The following PIK3R1 variants were observed in gnomAD, a reference collection of about 807,000 sequenced individuals.
PIK3R1 encodes phosphoinositide-3-kinase regulatory subunit 1, also known as phosphatidylinositol 3-kinase regulatory subunit alpha.
In PIK3R1, 29 loss-of-function variants were observed where a neutral mutation model predicts 98.0. The ratio of observed to expected loss-of-function variants is 0.30; its 90% CI spans 0.22 to 0.40. PIK3R1 has a LOEUF of 0.40. Ranked by LOEUF, PIK3R1 falls within the 10% of genes least tolerant of loss-of-function variation. The pLI, the probability that PIK3R1 is intolerant of heterozygous loss-of-function variation, is 1.00. For synonymous variants in PIK3R1, 282 were observed against 311.8 expected (o/e 0.90, Z 1.01); for missense variants, 596 against 872.7 (o/e 0.68, Z 3.99).
intron 2 of PIK3R1, among the ~76,000 whole-genome samples, chr5:68,246,036 C>A (rs1745072164): frequency 6.6e-6 from 1 of 152,188 alleles, no homozygotes; most frequent in Non-Finnish European, 1.5e-5. Flanking sequence ...CCCAAAGAGA[C>A]CACTGGAATA....
At chr5:68,262,757 A>G (rs62652519) in intron 2 of PIK3R1, among the ~76,000 whole-genome samples, 3 of 46,328 alleles carry the variant, frequency 6.5e-5, no homozygotes, top group Admixed American at 1.9e-4. Context: ...AGATACATGT[A>G]TACATATATA....
chr5:68,253,074 A>G (rs1745379369), intron 2 of PIK3R1, among the ~76,000 whole-genome samples: 1 of 152,176 alleles, frequency 6.6e-6, no homozygotes, highest in Non-Finnish European at 1.5e-5. Flanking sequence ...ACTAATTTTT[A>G]TCTACGTTGC....
intron 2 of PIK3R1, among the ~76,000 whole-genome samples, chr5:68,252,344 C>T (rs1298929145): frequency 6.8e-6 from 1 of 146,578 alleles, no homozygotes; most frequent in Non-Finnish European, 1.5e-5. Context: ...GAAAGCAAAG[C>T]TTGTTGCTGG....
rs1479543815 is a variant in PIK3R1, at chr5:68,300,489, T to G, written c.*2888T>G. 4.3e-6 allele frequency: 1 copy of G among 233,246 alleles called. No homozygotes were observed. Among genetic ancestry groups the G allele is most frequent in the Non-Finnish European group, 8.5e-6 (1 of 118,038 alleles). 14.4% of individuals were successfully genotyped at this position (233,246 alleles called of 1,614,324 possible). On this transcript the variant is annotated 3_prime_UTR_variant, in exon 16 of 16. Transcript: ENST00000521381. Reference sequence around the variant, plus strand: ...CTAAAGATAAAGCCAGAAGCTAAGCTGCAGTGAGGCTGTGATTGGGCGTAG... The same window carrying G: ...CTAAAGATAAAGCCAGAAGCTAAGCGGCAGTGAGGCTGTGATTGGGCGTAG...
chr5:68,273,096 C>T (rs563694893), intron 2 of PIK3R1, among the ~76,000 whole-genome samples: 1 of 152,142 alleles, frequency 6.6e-6, no homozygotes, highest in Non-Finnish European at 1.5e-5. Context: ...CCACTCCCCC[C>T]ACCTTTGGGG....
intron 1 of PIK3R1, among the ~76,000 whole-genome samples, chr5:68,219,628 G>C (rs1489167246): frequency 1.3e-5 from 2 of 152,326 alleles, no homozygotes; most frequent in African/African-American, 4.8e-5. Flanking sequence ...GGTAAGGAGA[G>C]AACTACATGG....
intron 2 of PIK3R1, among the ~76,000 whole-genome samples, chr5:68,242,707 G>A (rs576238021): frequency 4.6e-5 from 7 of 152,344 alleles, no homozygotes; most frequent in Admixed American, 2.6e-4. Context: ...CCCAAGGCCT[G>A]TCCATGAACT....
At chr5:68,221,501 A>G (rs1456047348) in intron 1 of PIK3R1, among the ~76,000 whole-genome samples, 1 of 152,216 alleles carries the variant, frequency 6.6e-6, no homozygotes, top group Admixed American at 6.5e-5. Flanking sequence ...CTGCCATCCA[A>G]TGCCTAACTG....
At chr5:68,294,288 C>T (rs1747564986) in intron 11 of PIK3R1, among the ~76,000 whole-genome samples, 2 of 152,186 alleles carry the variant, frequency 1.3e-5, no homozygotes, top group African/African-American at 4.8e-5. Context: ...CAGAAAACAA[C>T]AGGGATGCTA....
chr5:68,294,647 A>G lies in PIK3R1; in HGVS notation c.1537A>G (p.Lys513Glu), dbSNP rs1299498656. 6.2e-7 allele frequency: 1 copy of G among 1,609,062 alleles called. No individual in the cohort carries two copies. Among genetic ancestry groups the G allele is most frequent in the East Asian group, 2.2e-5 (1 of 44,524 alleles). Residue 513 changes from lysine (K) to glutamate (E), a missense_variant, in exon 12 of 16, where the codon AAA becomes GAA. This residue lies in a region of PIK3R1 where 207 missense variants were observed against 361.4 expected (regional missense o/e 0.57). Transcript: ENST00000521381. ...CAGCAAAGAATACATAGAAAAGTTT[A>G]AACGTGAAGGCAATGAGAAAGAAAT... ...RYSKEYIEKFKREGNEKEIQR... is the reference protein window; with the variant it reads ...RYSKEYIEKFEREGNEKEIQR...
At chr5:68,252,595 G>T (rs73771029) in intron 2 of PIK3R1, among the ~76,000 whole-genome samples, 1 of 152,164 alleles carries the variant, frequency 6.6e-6, no homozygotes, top group Non-Finnish European at 1.5e-5. Flanking sequence ...TTTCAAAATT[G>T]TAGAAGTTAT....
chr5:68,286,678 A>T (rs1262249673), intron 7 of PIK3R1, among the ~76,000 whole-genome samples: 1 of 152,212 alleles, frequency 6.6e-6, no homozygotes, highest in Non-Finnish European at 1.5e-5. Context: ...TTTCCAATCT[A>T]TTTCAAGACT....
At position 68,290,639 on chromosome 5, in the gene PIK3R1, T is replaced by C. The variant is rs1176693214; in HGVS notation, c.917-1620T>C. The C allele has an allele frequency of 9.4e-6, 14 of 1,486,156 alleles. No individual in the cohort carries two copies. The East Asian group carries it at 2.2e-4, about 23-fold the overall frequency. 92.1% of individuals were successfully genotyped at this position (1,486,156 alleles called of 1,614,324 possible). On this transcript the variant is annotated intron_variant, in intron 7 of 15. Coordinates refer to ENST00000521381, the MANE Select transcript of PIK3R1 (RefSeq NM_181523.3). ...TAATAGGTTTCAGTGCAGCCCCTTA[T>C]AGGTTTTAAAATGAATTCCAAGACA...
intron 2 of PIK3R1, among the ~76,000 whole-genome samples, chr5:68,257,501 C>G (rs1442034380): frequency 6.6e-6 from 1 of 152,170 alleles, no homozygotes; most frequent in Non-Finnish European, 1.5e-5. Flanking sequence ...TTGTGACAGC[C>G]AGTTGGGGTG....
intron 7 of PIK3R1, chr5:68,288,578 C>T (rs547197766): frequency 1.3e-6 from 2 of 1,523,412 alleles, no homozygotes; most frequent in Admixed American, 2.0e-5. Flanking sequence ...GCGGCGCCCC[C>T]GCTCCTGCGC....
In PIK3R1 at chr5:68,279,727, G is replaced by C. The variant is rs368451061; in HGVS notation, c.628G>C (p.Ala210Pro). The part of the protein sequence containing the change: ...AAVYSEMISL[A>P]PEVQSSEEYI... ...CGTTTACAGTGAAATGATTTCTTTAGCTCCAGGTTTGTTTTTTCTCTTCTG... is the reference window on the plus strand; with the variant it reads ...CGTTTACAGTGAAATGATTTCTTTACCTCCAGGTTTGTTTTTTCTCTTCTG... Residue 210 changes from alanine (A) to proline (P), a missense_variant, in exon 5 of 16, where the codon GCT (alanine) becomes CCT (proline). By Grantham distance (27) the Ala-to-Pro change is conservative. This residue lies in a region of PIK3R1 where 352 missense variants were observed against 393.3 expected (regional missense o/e 0.90). Coordinates refer to ENST00000521381, the MANE Select transcript of PIK3R1 (RefSeq NM_181523.3). The C allele has an allele frequency of 1.2e-6, 2 of 1,613,898 alleles. No individual in the cohort carries two copies. Among genetic ancestry groups the C allele is most frequent in the African/African-American group, 2.7e-5 (2 of 74,890 alleles).
Position 68,292,359 on chromosome 5 carries a change from G to A in PIK3R1, c.1017G>A (p.Ser339=), listed in dbSNP as rs781406681. Residue 339 remains serine (S), a splice_region_variant and synonymous_variant, in exon 8 of 16, where the codon TCG becomes TCA. Transcript: ENST00000521381. ...QDAEWYWGDI[S]REEVNEKLRD... is the part of the protein sequence containing the mutation. The stretch of plus-strand genomic sequence containing the variant: ...CTGAATGGTACTGGGGAGATATCTC[G>A]AGGTAAGGCTACAGAAACTTCATTT... 59 of 1,599,552 alleles carry A rather than the reference G, an allele frequency of 3.7e-5. No individual in the cohort carries two copies. The Admixed American group carries it at 3.8e-4, about 10-fold the overall frequency.
chr5:68,278,619 A>G (rs1580241561), intron 4 of PIK3R1, among the ~76,000 whole-genome samples: 1 of 152,288 alleles, frequency 6.6e-6, no homozygotes, highest in East Asian at 1.9e-4. Context: ...GGCAGTTATA[A>G]CAAGTTACCA....
chr5:68,282,444 A>G (rs1234548513), intron 7 of PIK3R1, among the ~76,000 whole-genome samples: 1 of 152,020 alleles, frequency 6.6e-6, no homozygotes, highest in Non-Finnish European at 1.5e-5. Context: ...TTCAGTGGCC[A>G]CTCCTCTAGA....
Sources: gnomAD v4.1 joint callset for allele counts (sites outside exome capture counted in the v4.1 genomes callset) on GRCh38, gnomAD v4.1.1 for gene constraint, gnomAD v4.1.1 regional missense constraint, MANE v1.5 for transcripts, NCBI Gene and HGNC (gene_info 2026-07-23, HGNC 2026-07-21) for gene names.